ADAMTS18: variants seen among roughly 807,000 people sequenced by gnomAD.
ADAMTS18 encodes A disintegrin and metalloproteinase with thrombospondin motifs 18.
A neutral mutation model predicts 165.9 loss-of-function variants in ADAMTS18; 157 were observed. The ratio of observed to expected loss-of-function variants is 0.95; its 90% CI spans 0.83 to 1.08. The LOEUF is 1.08. Among genes scored for constraint, ADAMTS18 ranks in the 50% least tolerant of loss-of-function variants. The pLI is 0.00. For synonymous variants in ADAMTS18, 782 were observed against 578.2 expected (o/e 1.35, Z -5.06); for missense variants, 2,040 against 1,534.0 (o/e 1.33, Z -5.51).
chr16:77,319,316 T>A (rs903588197), intron 16 of ADAMTS18, among the ~76,000 whole-genome samples: 1 of 152,170 alleles, frequency 6.6e-6, no homozygotes, highest in Admixed American at 6.5e-5. Context: ...TGGTGAAAGG[T>A]TGACCTCTAA....
chr16:77,389,602 C>T (rs541522629), intron 3 of ADAMTS18, among the ~76,000 whole-genome samples: 18 of 152,244 alleles, frequency 1.2e-4, no homozygotes, highest in South Asian at 2.1e-4. Context: ...CTAGCTGCAC[C>T]GACATCACAA....
chr16:77,361,446 C>T (rs1461178424), intron 7 of ADAMTS18, among the ~76,000 whole-genome samples: 1 of 152,166 alleles, frequency 6.6e-6, no homozygotes, highest in Non-Finnish European at 1.5e-5. Flanking sequence ...GCACTGTTAC[C>T]TAGTGGCACA....
At chr16:77,399,899 C>G (rs962714102) in intron 3 of ADAMTS18, among the ~76,000 whole-genome samples, 1 of 152,112 alleles carries the variant, frequency 6.6e-6, no homozygotes, top group Non-Finnish European at 1.5e-5. Flanking sequence ...TTACAGATAG[C>G]TTTGTCTGTA....
intron 11 of ADAMTS18, among the ~76,000 whole-genome samples, chr16:77,337,998 G>T (rs1044667690): frequency 3.3e-5 from 5 of 150,756 alleles, no homozygotes; most frequent in African/African-American, 1.2e-4. Flanking sequence ...CCGCCTCCCA[G>T]GTTCAAGCGA....
chr16:77,364,465 G>A (rs1296588793), intron 4 of ADAMTS18, 84 bp from the exon 5 acceptor site: 3 of 1,446,364 alleles, frequency 2.1e-6, no homozygotes, highest in African/African-American at 2.8e-5. Context: ...AACAAGGGAA[G>A]AAGAGAAACT....
intron 12 of ADAMTS18, among the ~76,000 whole-genome samples, chr16:77,329,491 C>G (rs1397652381): frequency 6.6e-6 from 1 of 152,124 alleles, no homozygotes; most frequent in Non-Finnish European, 1.5e-5. Context: ...AAAATAGGAA[C>G]AGTTGTGACA....
intron 10 of ADAMTS18, among the ~76,000 whole-genome samples, chr16:77,342,132 T>A (rs1054706486): frequency 1.3e-5 from 2 of 152,164 alleles, no homozygotes; most frequent in South Asian, 2.1e-4. Flanking sequence ...TACATCAAGA[T>A]TGGAATAAAG....
intron 13 of ADAMTS18, among the ~76,000 whole-genome samples, chr16:77,325,279 T>C (rs775230666): frequency 4.6e-5 from 7 of 152,218 alleles, no homozygotes; most frequent in Non-Finnish European, 1.0e-4. Context: ...CATTAAACTC[T>C]TCTGCTGTAA....
intron 19 of ADAMTS18, 79 bp downstream of exon 19, chr16:77,294,844 C>A (rs2055434864): frequency 1.6e-5 from 22 of 1,355,568 alleles, no homozygotes; most frequent in Non-Finnish European, 2.2e-5. Flanking sequence ...CTGCCAAGAG[C>A]CCAGTGGAGA....
chr16:77,292,977 G>T, intron 20 of ADAMTS18, 99 bp downstream of exon 20: 3 of 1,486,028 alleles, frequency 2.0e-6, no homozygotes, highest in Non-Finnish European at 2.8e-6. Context: ...CTGCCACCTT[G>T]CCTGGCTAAT....
intron 3 of ADAMTS18, among the ~76,000 whole-genome samples, chr16:77,400,194 G>C (rs568996028): frequency 3.3e-5 from 5 of 152,188 alleles, no homozygotes; most frequent in African/African-American, 9.6e-5. Flanking sequence ...TCACATCTCA[G>C]CTCCAGCTGC....
At chr16:77,370,797 A>G (rs1483429245) in intron 3 of ADAMTS18, among the ~76,000 whole-genome samples, 8 of 151,094 alleles carry the variant, frequency 5.3e-5, no homozygotes, top group Admixed American at 2.6e-4. Flanking sequence ...TACGATATAT[A>G]TATATATATA....
At chr16:77,429,766 C>G (rs2057716402) in intron 3 of ADAMTS18, among the ~76,000 whole-genome samples, 1 of 152,122 alleles carries the variant, frequency 6.6e-6, no homozygotes, top group Non-Finnish European at 1.5e-5. Flanking sequence ...CATGAGGAGG[C>G]TAAATTTTGC....
chr16:77,304,142 A>G (rs1403922027), intron 16 of ADAMTS18, among the ~76,000 whole-genome samples: 1 of 152,220 alleles, frequency 6.6e-6, no homozygotes, highest in Non-Finnish European at 1.5e-5. Flanking sequence ...ATCACTTATT[A>G]ATAACAAATC....
intron 16 of ADAMTS18, among the ~76,000 whole-genome samples, chr16:77,300,943 T>C (rs956288204): frequency 3.3e-5 from 5 of 152,092 alleles, no homozygotes; most frequent in African/African-American, 1.2e-4. Flanking sequence ...CCACTTAGAG[T>C]TGCTATCATC....
At chr16:77,423,650 A>G (rs773801670) in intron 3 of ADAMTS18, among the ~76,000 whole-genome samples, 4 of 152,200 alleles carry the variant, frequency 2.6e-5, no homozygotes, top group Non-Finnish European at 4.4e-5. Context: ...GTCTCAGTCC[A>G]AAGACATTAC....
At chr16:77,389,040 G>A (rs193214161) in intron 3 of ADAMTS18, among the ~76,000 whole-genome samples, 12 of 152,280 alleles carry the variant, frequency 7.9e-5, no homozygotes, top group African/African-American at 2.4e-4. Context: ...TGGCTCACAC[G>A]TGTAGTCCCA....
At chr16:77,379,916 G>A (rs1433762759) in intron 3 of ADAMTS18, among the ~76,000 whole-genome samples, 2 of 152,148 alleles carry the variant, frequency 1.3e-5, no homozygotes, top group Admixed American at 1.3e-4. Flanking sequence ...TGCATCACTG[G>A]GCAAAGTTGA....
chr16:77,396,654 C>T (rs2057261001), intron 3 of ADAMTS18, among the ~76,000 whole-genome samples: 1 of 152,084 alleles, frequency 6.6e-6, no homozygotes, highest in Non-Finnish European at 1.5e-5. Flanking sequence ...AGGGGAAATC[C>T]AAATTCCAAG....
Sources: gnomAD v4.1 joint callset for allele counts (sites outside exome capture counted in the v4.1 genomes callset) on GRCh38, gnomAD v4.1.1 for gene constraint, MANE v1.5 for transcripts, NCBI Gene and HGNC (gene_info 2026-07-23, HGNC 2026-07-21) for gene names.